The following ENPP2 variants were observed in gnomAD, a reference collection of about 807,000 sequenced individuals.
ENPP2 encodes ectonucleotide pyrophosphatase/phosphodiesterase 2.
In ENPP2, 51 loss-of-function variants were observed where a neutral mutation model predicts 120.2. The ratio of observed to expected loss-of-function variants is 0.42; its 90% CI spans 0.34 to 0.54. ENPP2 has a LOEUF of 0.54. Ranked by LOEUF, ENPP2 falls within the 20% of genes least tolerant of loss-of-function variation. The probability of loss-of-function intolerance (pLI) is 0.04; values close to 1 mark genes in which losing one functional copy is unlikely to be tolerated. For synonymous variants in ENPP2, 365 were observed against 366.4 expected (o/e 1.00, Z 0.04); for missense variants, 920 against 1,066.5 (o/e 0.86, Z 1.91).
At chr8:119,592,109 T>A (rs934289058) in intron 12 of ENPP2, among the ~76,000 whole-genome samples, 2 of 152,134 alleles carry the variant, frequency 1.3e-5, no homozygotes, top group East Asian at 1.9e-4. Flanking sequence ...GTGTATAGTG[T>A]CAGATAGCTG....
At chr8:119,592,471 C>T (rs1313271775) in intron 12 of ENPP2, among the ~76,000 whole-genome samples, 2 of 92,544 alleles carry the variant, frequency 2.2e-5, no homozygotes, top group Non-Finnish European at 3.8e-5. Context: ...GAAACTCCAC[C>T]TCAAAAAAAA....
At chr8:119,627,087 G>A (rs1358065863) in intron 2 of ENPP2, among the ~76,000 whole-genome samples, 1 of 151,898 alleles carries the variant, frequency 6.6e-6, no homozygotes, top group African/African-American at 2.4e-5. Context: ...GCCCCTGTGG[G>A]TGCTAACGAT....
chr8:119,615,557 C>G (rs1193202410), intron 8 of ENPP2, among the ~76,000 whole-genome samples: 1 of 152,142 alleles, frequency 6.6e-6, no homozygotes. Flanking sequence ...CTGAAGTAAA[C>G]AGGGTGATTT....
At chr8:119,639,215 G>T (rs1305047619), upstream of ENPP2, among the ~76,000 whole-genome samples, 1 of 152,156 alleles carries the variant, frequency 6.6e-6, no homozygotes, top group African/African-American at 2.4e-5. Context: ...AGCTTTTAAG[G>T]TTTACAATGC....
At chr8:119,658,586 C>A (rs1817832555) in intron 1 of ENPP2, among the ~76,000 whole-genome samples, 1 of 152,328 alleles carries the variant, frequency 6.6e-6, no homozygotes, top group African/African-American at 2.4e-5. Context: ...TCCTATTTCT[C>A]CACCTCTGCT....
Position 119,583,527 on chromosome 8 carries a change from A to T in ENPP2, c.1543+190T>A, listed in dbSNP as rs543972960. ...AAAACGCCCCATTAGTCAACTGTTGAAGGAAGACAAAGAAGCCTTAGAAGG... is the reference window on the plus strand; with the variant it reads ...AAAACGCCCCATTAGTCAACTGTTGTAGGAAGACAAAGAAGCCTTAGAAGG... On this transcript the variant is annotated intron_variant, in intron 17 of 24. Transcript: ENST00000075322. Among the ~76,000 whole-genome samples the T allele has an allele frequency of 4.6e-5, 7 of 152,332 alleles. No homozygotes were observed. The East Asian group carries it at 1.2e-3, about 25-fold the overall frequency.
intron 19 of ENPP2, among the ~76,000 whole-genome samples, chr8:119,579,284 G>A (rs1812561965): frequency 6.6e-6 from 1 of 152,024 alleles, no homozygotes; most frequent in Admixed American, 6.6e-5. Flanking sequence ...AGTCCCCGTG[G>A]AAAAAATGTA....
chr8:119,631,611 C>A (rs940748051), intron 2 of ENPP2, among the ~76,000 whole-genome samples: 1 of 151,240 alleles, frequency 6.6e-6, no homozygotes, highest in Non-Finnish European at 1.5e-5. Context: ...GATGAGTGTA[C>A]AAAAAAAATA....
At chr8:119,629,686 T>G (rs1816524120) in intron 2 of ENPP2, among the ~76,000 whole-genome samples, 1 of 152,164 alleles carries the variant, frequency 6.6e-6, no homozygotes, top group Non-Finnish European at 1.5e-5. Context: ...TCATTTCCAA[T>G]GCAGTGGTCC....
chr8:119,593,853 T>C lies in ENPP2; in HGVS notation c.980A>G (p.Asn327Ser), dbSNP rs1813707871. 2 of 1,599,850 alleles carry C rather than the reference T, an allele frequency of 1.3e-6. No homozygotes were observed. The highest frequency in any genetic ancestry group is 4.5e-5 in the East Asian group (2 of 44,816). The change falls in exon 12 of 25, where the codon AAT becomes AGT. Residue 327 changes from asparagine to serine, a missense_variant. By Grantham distance (46) the Asn-to-Ser change is conservative. Transcript: ENST00000075322. ...KYGPFGPEMT[N>S]PLREIDKIVG... ...AATTTTGTCGATTTCCCTCAGAGGA[T>C]TTGTCATCTAGGAAAAAGAAGCAAG...
upstream of ENPP2, chr8:119,638,863 T>C: frequency 6.3e-7 from 1 of 1,591,460 alleles, no homozygotes. Context: ...GGGTTTAGTC[T>C]ATTAACTATA....
intron 1 of ENPP2, among the ~76,000 whole-genome samples, chr8:119,661,950 T>C (rs1417883784): frequency 6.6e-6 from 1 of 152,112 alleles, no homozygotes; most frequent in Non-Finnish European, 1.5e-5. Context: ...ATTGCATTTA[T>C]ATGTGGAATC....
At chr8:119,612,155 C>T (rs912732176) in intron 8 of ENPP2, among the ~76,000 whole-genome samples, 4 of 152,196 alleles carry the variant, frequency 2.6e-5, no homozygotes, top group Admixed American at 2.6e-4. Flanking sequence ...TCGGGACAGA[C>T]ACTTCAGCTG....
chr8:119,657,004 T>A (rs1817781853), intron 1 of ENPP2, among the ~76,000 whole-genome samples: 1 of 152,194 alleles, frequency 6.6e-6, no homozygotes, highest in Non-Finnish European at 1.5e-5. Context: ...CTTGGCTCAG[T>A]GCAACCTCTG....
intron 20 of ENPP2, 99 bp from the exon 21 acceptor site, chr8:119,569,469 A>C (rs1814770504): frequency 1.9e-6 from 2 of 1,080,432 alleles, no homozygotes; most frequent in South Asian, 3.5e-5. Context: ...ATTCTGATTG[A>C]TAGTCTGACT....
rs547996030 is a variant in ENPP2, at chr8:119,649,115, C to T, written c.22-10588G>A. Among the ~76,000 whole-genome samples the T allele has an allele frequency of 9.9e-4, 151 of 151,808 alleles. 1 individual carries two copies. In the South Asian group the frequency reaches 0.011, roughly 11 times the overall value. On this transcript the variant is annotated intron_variant, in intron 1 of 25. Transcript: ENST00000427067. The stretch of plus-strand genomic sequence containing the variant: ...TTAAGAAGAAAATTGCATTTATGGC[C>T]GGGCACGGTGGCTCATGCCTGTAAT...
intron 9 of ENPP2, among the ~76,000 whole-genome samples, chr8:119,606,095 A>G (rs1314402233): frequency 6.6e-6 from 1 of 152,222 alleles, no homozygotes; most frequent in Non-Finnish European, 1.5e-5. Flanking sequence ...TTCAGAATAT[A>G]CACTGTGTAG....
rs900427474 is a variant in ENPP2, at chr8:119,569,450, T to C, written c.1918-80A>G. ...AAATCAAAACCCCTCTGGCTTCTCC[T>C]ATGCTTGTATTCTGATTGATAGTCT... On this transcript the variant is annotated intron_variant, in intron 20 of 24. Coordinates refer to ENST00000075322, the MANE Select transcript of ENPP2 (RefSeq NM_001040092.3). 16 of 1,353,134 alleles carry C rather than the reference T, an allele frequency of 1.2e-5. No homozygotes were observed. In the East Asian group the frequency reaches 3.4e-4, roughly 28 times the overall value. 83.8% of individuals were successfully genotyped at this position (1,353,134 alleles called of 1,614,324 possible).
chr8:119,584,505 T>C (rs887387948), intron 15 of ENPP2, among the ~76,000 whole-genome samples: 1 of 152,172 alleles, frequency 6.6e-6, no homozygotes, highest in Non-Finnish European at 1.5e-5. Flanking sequence ...TAATTTAAAA[T>C]TTAAAATAAA....
Sources: gnomAD v4.1 joint callset for allele counts (sites outside exome capture counted in the v4.1 genomes callset) on GRCh38, gnomAD v4.1.1 for gene constraint, MANE v1.5 for transcripts, NCBI Gene and HGNC (gene_info 2026-07-23, HGNC 2026-07-21) for gene names.